LRPPRC: variants seen among roughly 807,000 people sequenced by gnomAD.
The protein encoded by LRPPRC is leucine-rich PPR motif-containing protein, mitochondrial.
A neutral mutation model predicts 180.3 loss-of-function variants in LRPPRC; 120 were observed. That is an observed-to-expected ratio of 0.67 (90% CI 0.57 to 0.77). The LOEUF is 0.77. Ranked by LOEUF, LRPPRC falls within the 30% of genes least tolerant of loss-of-function variation. The pLI, the probability that LRPPRC is intolerant of heterozygous loss-of-function variation, is 0.00. For synonymous variants in LRPPRC, 723 were observed against 600.0 expected (o/e 1.21, Z -3.00); for missense variants, 2,012 against 1,657.2 (o/e 1.21, Z -3.72).
chr2:43,958,304 G>A (rs1055702513), intron 13 of LRPPRC, among the ~76,000 whole-genome samples: 2 of 152,128 alleles, frequency 1.3e-5, no homozygotes, highest in Non-Finnish European at 2.9e-5. Context: ...AATACAAAAA[G>A]GATGGGATTA....
intron 1 of LRPPRC, among the ~76,000 whole-genome samples, chr2:43,983,618 A>G (rs138266483): frequency 0.012 from 1,818 of 152,280 alleles, 33 homozygotes; most frequent in African/African-American, 0.042. Flanking sequence ...TAGTTACAGC[A>G]GCCACTAAAT....
In LRPPRC at chr2:43,968,854, A is replaced by T. The variant is rs772592312; in HGVS notation, c.1369+4753T>A. Reference sequence around the variant, plus strand: ...TTGTTGACTTGAAATTGGTAAAAGAACAGATTCTAAGTGTCCTCACCACAC... The same window carrying T: ...TTGTTGACTTGAAATTGGTAAAAGATCAGATTCTAAGTGTCCTCACCACAC... On this transcript the variant is annotated intron_variant, in intron 11 of 37. Coordinates refer to ENST00000260665, the MANE Select transcript of LRPPRC (RefSeq NM_133259.4). Among the ~76,000 whole-genome samples, 11 of 152,334 alleles carry T rather than the reference A, an allele frequency of 7.2e-5. No individual in the cohort carries two copies. The South Asian group carries it at 1.0e-3, about 14-fold the overall frequency.
At chr2:43,921,230 T>C (rs1671688646) in intron 27 of LRPPRC, among the ~76,000 whole-genome samples, 1 of 152,120 alleles carries the variant, frequency 6.6e-6, no homozygotes, top group African/African-American at 2.4e-5. Flanking sequence ...AGGTGGAGGT[T>C]ACAGTGAGCT....
chr2:43,895,183 G>A (rs146543592), intron 35 of LRPPRC, among the ~76,000 whole-genome samples: 33 of 152,132 alleles, frequency 2.2e-4, no homozygotes, highest in Non-Finnish European at 3.2e-4. Context: ...AGTATTTCCC[G>A]CCCTACTCCA....
intron 14 of LRPPRC, among the ~76,000 whole-genome samples, chr2:43,953,898 G>T (rs55758705): frequency 0.021 from 3,209 of 152,254 alleles, 116 homozygotes; most frequent in African/African-American, 0.072. Flanking sequence ...TGGCCAGGCC[G>T]GTGGTTCATG....
intron 24 of LRPPRC, 52 bp downstream of exon 24, chr2:43,934,702 A>G: frequency 6.5e-7 from 1 of 1,549,182 alleles, no homozygotes; most frequent in Non-Finnish European, 8.9e-7. Flanking sequence ...CTAAGATTAA[A>G]TCAGCAAGAA....
chr2:43,912,282 A>G (rs2105012821), intron 30 of LRPPRC, 150 bp downstream of exon 30: 1 of 681,794 alleles, frequency 1.5e-6, no homozygotes, highest in Non-Finnish European at 2.6e-6. Context: ...AAACCTGATA[A>G]AGTTAGTTAA....
chr2:43,896,281 T>G (rs1301997969), intron 35 of LRPPRC: 3 of 147,012 alleles, frequency 2.0e-5, no homozygotes, highest in Admixed American at 7.3e-5. Context: ...CAGGCTGGTC[T>G]CAAACTCTGA....
rs377749025 is a variant in LRPPRC, at chr2:43,974,322, G to T, written c.1010-27C>A. ...TGGGAAGAAAACAAAGACATCTTTTGTTAATAAACTGAACAATATTTTTAC... is the reference window on the plus strand; with the variant it reads ...TGGGAAGAAAACAAAGACATCTTTTTTTAATAAACTGAACAATATTTTTAC... On this transcript the variant is annotated intron_variant, in intron 8 of 37. Transcript: ENST00000260665. The T allele has an allele frequency of 6.4e-5, 99 of 1,554,702 alleles. No individual in the cohort carries two copies. The African/African-American group carries it at 1.1e-3, about 18-fold the overall frequency.
intron 37 of LRPPRC, among the ~76,000 whole-genome samples, chr2:43,888,862 G>A (rs1173727851): frequency 6.6e-6 from 1 of 152,198 alleles, no homozygotes; most frequent in Non-Finnish European, 1.5e-5. Flanking sequence ...CTAGCAGCAG[G>A]AGGTAGGGTG....
At chr2:43,900,396 T>C (rs900964056) in intron 32 of LRPPRC, among the ~76,000 whole-genome samples, 1 of 152,156 alleles carries the variant, frequency 6.6e-6, no homozygotes, top group East Asian at 1.9e-4. Context: ...TAACTAAAAA[T>C]GAATACTGTT....
intron 23 of LRPPRC, among the ~76,000 whole-genome samples, chr2:43,939,173 C>A (rs1363051922): frequency 1.3e-5 from 2 of 151,044 alleles, no homozygotes; most frequent in African/African-American, 2.4e-5. Context: ...CCCAGCTACT[C>A]GGGAGGCTGA....
At chr2:43,928,027 AAAC>A (rs1336644281) in intron 25 of LRPPRC, among the ~76,000 whole-genome samples, 2 of 152,230 alleles carry the variant, frequency 1.3e-5, no homozygotes, top group African/African-American at 4.8e-5. Flanking sequence ...TAACATGAAA[AAAC>A]AGTTAATGTT....
chr2:43,957,575 A>T, intron 13 of LRPPRC, 124 bp from the exon 14 acceptor site: 2 of 737,754 alleles, frequency 2.7e-6, no homozygotes, highest in Non-Finnish European at 4.8e-6. Context: ...TGTATTTAAA[A>T]AATAAAAATG....
chr2:43,929,765 T>C (rs116461680), intron 25 of LRPPRC, among the ~76,000 whole-genome samples: 4,172 of 152,210 alleles, frequency 0.027, 78 homozygotes, highest in Non-Finnish European at 0.036. Flanking sequence ...TTTTCCAAGA[T>C]AGACTTGAAG....
In LRPPRC at chr2:43,934,739, T is replaced by C. The variant is rs1003895064; in HGVS notation, c.2629+15A>G. On this transcript the variant is annotated intron_variant, in intron 24 of 37. Coordinates refer to ENST00000260665, the MANE Select transcript of LRPPRC (RefSeq NM_133259.4). ...GGAAAAAAAAACTACATTAAGATAC[T>C]AGAAAGTGACTCACCTTTCTGAATT... 2 of 1,610,574 alleles carry C rather than the reference T, an allele frequency of 1.2e-6. No individual in the cohort carries two copies. Among genetic ancestry groups the C allele is most frequent in the African/African-American group, 1.3e-5 (1 of 74,838 alleles).
Position 43,929,676 on chromosome 2 carries a change from A to T in LRPPRC, c.2737-3715T>A, listed in dbSNP as rs181688337. 5.3e-5 allele frequency among the ~76,000 whole-genome samples: 8 copies of T among 152,294 alleles called. No homozygotes were observed. In the East Asian group the frequency reaches 1.2e-3, roughly 22 times the overall value. On this transcript the variant is annotated intron_variant, in intron 25 of 37. Transcript: ENST00000260665. ...TCAAGGATCAACTATATTTATCCCC[A>T]TAGCTAGCACAGAACAAGGGAGCAA...
chr2:43,889,314 CAAAAAAAAAAAA>C (rs780032604), intron 37 of LRPPRC, among the ~76,000 whole-genome samples: 88 of 38,356 alleles, frequency 2.3e-3, no homozygotes, highest in African/African-American at 0.012. Context: ...GACTCCATCT[CAAAAAAAAAAAA>C]AAAAAAAAAA....
At chr2:43,934,349 A>G (rs1236796598) in intron 24 of LRPPRC, 53 bp from the exon 25 acceptor site, 5 of 830,928 alleles carry the variant, frequency 6.0e-6, no homozygotes, top group Non-Finnish European at 8.0e-6. Context: ...AACCCAGAAA[A>G]ACAGTATCAT....
Sources: gnomAD v4.1 joint callset for allele counts (sites outside exome capture counted in the v4.1 genomes callset) on GRCh38, gnomAD v4.1.1 for gene constraint, MANE v1.5 for transcripts, NCBI Gene and HGNC (gene_info 2026-07-23, HGNC 2026-07-21) for gene names.